The following GNG4 variants were observed in gnomAD, a reference collection of about 807,000 sequenced individuals.
GNG4 encodes guanine nucleotide-binding protein G(I)/G(S)/G(O) subunit gamma-4.
In GNG4, 4 loss-of-function variants were observed where a neutral mutation model predicts 5.8. That is an observed-to-expected ratio of 0.69 (90% CI 0.34 to 1.57). The LOEUF is 1.57. GNG4 is among the 40% of genes most tolerant of loss of function. The probability of loss-of-function intolerance (pLI) is 0.06; values close to 1 mark genes in which losing one functional copy is unlikely to be tolerated. For synonymous variants in GNG4, 29 were observed against 32.9 expected, an observed-to-expected ratio of 0.88 and a Z score of 0.41; for missense variants, 96 against 95.1, an observed-to-expected ratio of 1.01 and a Z score of -0.04.
At position 235,632,096 on chromosome 1, in the gene GNG4, T is replaced by G. The variant is rs897484444; in HGVS notation, c.-123+17566A>C. Among the ~76,000 whole-genome samples the G allele has an allele frequency of 2.0e-5, 3 of 152,122 alleles. No individual in the cohort carries two copies. The East Asian group carries it at 5.8e-4, about 29-fold the overall frequency. On this transcript the variant is annotated intron_variant, in intron 1 of 3. Coordinates refer to ENST00000391854, the MANE Select transcript of GNG4 (RefSeq NM_001098722.2). ...AGTTGACATGTTTTTCCTTCTTTCT[T>G]TTTTTAAGAGACAGGTTCTTGCTCT...
chr1:235,564,659 T>C (rs1001415252), intron 3 of GNG4, among the ~76,000 whole-genome samples: 1 of 152,218 alleles, frequency 6.6e-6, no homozygotes, highest in African/African-American at 2.4e-5. Context: ...ATGATAAAAA[T>C]TACATTTTTT....
intron 1 of GNG4, among the ~76,000 whole-genome samples, chr1:235,603,140 G>A (rs1234347805): frequency 6.6e-6 from 1 of 152,018 alleles, no homozygotes; most frequent in African/African-American, 2.4e-5. Flanking sequence ...CTACTTGGGA[G>A]GCTAAGGCAG....
chr1:235,636,382 A>G (rs1419812555), intron 1 of GNG4, among the ~76,000 whole-genome samples: 1 of 152,226 alleles, frequency 6.6e-6, no homozygotes, highest in Non-Finnish European at 1.5e-5. Context: ...GGGAACCCCA[A>G]AGGCACCAGG....
intron 1 of GNG4, among the ~76,000 whole-genome samples, chr1:235,631,754 G>T (rs1688936749): frequency 6.8e-6 from 1 of 147,056 alleles, no homozygotes; most frequent in Admixed American, 6.6e-5. Flanking sequence ...TTTTAGTAGA[G>T]ATGGGGTTTC....
At position 235,548,096 on chromosome 1, in the gene GNG4, T is replaced by C. The variant is rs1176023579; in HGVS notation, c.*4013A>G. The C allele has an allele frequency of 6.6e-6, 1 of 152,220 alleles. No homozygotes were observed. Among genetic ancestry groups the C allele is most frequent in the East Asian group, 1.9e-4 (1 of 5,198 alleles). The allele number at this position is 152,220 out of a possible 1,614,324, so 9.4% of individuals were successfully genotyped here. On this transcript the variant is annotated 3_prime_UTR_variant, in exon 4 of 4. Coordinates refer to ENST00000391854, the MANE Select transcript of GNG4 (RefSeq NM_001098722.2). ...CCAGCCAACATGGGCATTGGGGTGCTTTCCTGTTCGGGGTTATTATGGAGA... is the reference window on the plus strand; with the variant it reads ...CCAGCCAACATGGGCATTGGGGTGCCTTCCTGTTCGGGGTTATTATGGAGA...
chr1:235,638,905 T>C (rs1571927373), intron 1 of GNG4, among the ~76,000 whole-genome samples: 1 of 152,230 alleles, frequency 6.6e-6, no homozygotes, highest in East Asian at 1.9e-4. Flanking sequence ...CAGTCTATCA[T>C]TGATGGGCAT....
In GNG4 at chr1:235,563,229, C is replaced by A. The variant is rs190303631; in HGVS notation, c.100-10992G>T. ...CTTAAGGTCAGGAGTTTGAGACCAG[C>A]CTGGCCAACATAGTGAAACCCCATC... is the stretch of plus-strand genomic sequence containing the variant. On this transcript the variant is annotated intron_variant, in intron 3 of 3. Coordinates refer to ENST00000391854, the MANE Select transcript of GNG4 (RefSeq NM_001098722.2). Among the ~76,000 whole-genome samples the A allele has an allele frequency of 4.6e-5, 7 of 151,842 alleles. No homozygotes were observed. In the East Asian group the frequency reaches 1.4e-3, roughly 29 times the overall value.
intron 3 of GNG4, among the ~76,000 whole-genome samples, chr1:235,556,119 G>A (rs866472589): frequency 1.8e-4 from 27 of 151,662 alleles, no homozygotes; most frequent in African/African-American, 6.3e-4. Context: ...TGCCCGCCTC[G>A]GCCTCTCAAA....
intron 1 of GNG4, among the ~76,000 whole-genome samples, chr1:235,622,420 A>G (rs1688729519): frequency 6.6e-6 from 1 of 152,210 alleles, no homozygotes; most frequent in Non-Finnish European, 1.5e-5. Context: ...GTTCATAAAA[A>G]GAGTTAGATG....
chr1:235,558,614 C>A (rs1340150496), intron 3 of GNG4, among the ~76,000 whole-genome samples: 1 of 152,134 alleles, frequency 6.6e-6, no homozygotes, highest in East Asian at 1.9e-4. Context: ...CAACACGTAC[C>A]AAATAGGGGT....
At chr1:235,641,990 ACAGAACTTC>A (rs1213131720) in intron 1 of GNG4, among the ~76,000 whole-genome samples, 1 of 152,218 alleles carries the variant, frequency 6.6e-6, no homozygotes, top group Non-Finnish European at 1.5e-5. Flanking sequence ...CTCCACCGTA[ACAGAACTTC>A]CATGAGGGCG....
rs1039687629 is a variant in GNG4, at chr1:235,644,230, G to C, written c.-123+5432C>G. 5.9e-5 allele frequency among the ~76,000 whole-genome samples: 9 copies of C among 152,214 alleles called. No individual in the cohort carries two copies. The highest frequency in any genetic ancestry group is 1.2e-4 in the Non-Finnish European group (8 of 68,040). Reference sequence around the variant, plus strand: ...ATCAGATAAAATTCAGCCACAGCGGGAGGGAGCGTGTGAGACCCACGAAGG... The same window carrying C: ...ATCAGATAAAATTCAGCCACAGCGGCAGGGAGCGTGTGAGACCCACGAAGG... On this transcript the variant is annotated intron_variant, in intron 1 of 3. Transcript: ENST00000391854. This position sits in a 1 kb window ranked among gnomAD's most constrained non-coding sequence, Gnocchi z 5.9.
intron 2 of GNG4, among the ~76,000 whole-genome samples, chr1:235,590,391 A>T (rs1687929854): frequency 6.6e-6 from 1 of 151,926 alleles, no homozygotes. Flanking sequence ...GAAGGCAGAG[A>T]TTGCAGTGAG....
intron 2 of GNG4, among the ~76,000 whole-genome samples, chr1:235,587,281 G>T (rs1319660050): frequency 1.1e-5 from 1 of 89,840 alleles, no homozygotes; most frequent in South Asian, 3.9e-4. Context: ...TGTGTGTGAA[G>T]GTGTGGGTTG....
At chr1:235,611,436 T>C (rs1366774489) in intron 1 of GNG4, among the ~76,000 whole-genome samples, 2 of 152,170 alleles carry the variant, frequency 1.3e-5, no homozygotes, top group Non-Finnish European at 2.9e-5. Flanking sequence ...TGCCTACCAA[T>C]GTGCTGGGAT....
intron 1 of GNG4, among the ~76,000 whole-genome samples, chr1:235,612,214 A>G (rs1031720331): frequency 1.3e-5 from 2 of 152,114 alleles, no homozygotes; most frequent in African/African-American, 4.8e-5. Context: ...AGACATTCAG[A>G]CTCACAAGAC....
At chr1:235,571,780 A>G (rs1041803967) in intron 3 of GNG4, among the ~76,000 whole-genome samples, 11 of 152,152 alleles carry the variant, frequency 7.2e-5, no homozygotes, top group Non-Finnish European at 1.2e-4. Flanking sequence ...TATAGCCTAT[A>G]GATTACAGGG....
chr1:235,615,384 G>T, intron 1 of GNG4: 1 of 153,632 alleles, frequency 6.5e-6, no homozygotes, highest in South Asian at 2.0e-4. Context: ...ATGCTGGGAT[G>T]ACCATCTAGT....
chr1:235,570,543 C>T (rs1229747784), intron 3 of GNG4, among the ~76,000 whole-genome samples: 1 of 151,734 alleles, frequency 6.6e-6, no homozygotes, highest in Non-Finnish European at 1.5e-5. Flanking sequence ...ATTACAGGTG[C>T]CCGCCATCAT....
Sources: allele counts gnomAD v4.1 joint callset (sites outside exome capture counted in the v4.1 genomes callset), GRCh38; gene constraint gnomAD v4.1.1; non-coding constraint Gnocchi (gnomAD v3.1); transcripts MANE v1.5; gene names NCBI Gene and HGNC (gene_info 2026-07-23, HGNC 2026-07-21).